Variants in AGBL4 observed in about 807,000 individuals in gnomAD.
AGBL4 encodes cytosolic carboxypeptidase 6.
AGBL4 carries 58 observed loss-of-function variants against 66.4 expected under a neutral mutation model. The observed-to-expected ratio is 0.87, with a 90% CI of 0.71 to 1.09. The LOEUF is 1.09. AGBL4 is among the 50% of genes least tolerant of loss of function. AGBL4 has a pLI of 0.00. For synonymous variants in AGBL4, 234 were observed against 222.9 expected (o/e 1.05, Z -0.44); for missense variants, 579 against 631.0 (o/e 0.92, Z 0.88).
intron 3 of AGBL4, among the ~76,000 whole-genome samples, chr1:49,620,085 CA>C (rs1645329331): frequency 6.6e-6 from 1 of 151,982 alleles, no homozygotes; most frequent in South Asian, 2.1e-4. Context: ...ACTAAAACAC[CA>C]AAAGCAATGG....
intron 4 of AGBL4, among the ~76,000 whole-genome samples, chr1:49,202,657 C>A (rs555660120): frequency 1.3e-4 from 20 of 152,026 alleles, no homozygotes; most frequent in African/African-American, 3.6e-4. Context: ...AACTATAAAA[C>A]TCATAGAAGA....
chr1:49,378,883 T>G (rs1000532320), intron 3 of AGBL4, among the ~76,000 whole-genome samples: 13 of 152,106 alleles, frequency 8.5e-5, no homozygotes, highest in Admixed American at 2.6e-4. Flanking sequence ...CCGAAGTATG[T>G]GTGGTCTGGT....
intron 3 of AGBL4, among the ~76,000 whole-genome samples, chr1:49,459,592 A>G (rs1490674746): frequency 6.6e-6 from 1 of 151,314 alleles, no homozygotes; most frequent in Non-Finnish European, 1.5e-5. Context: ...CAATTTCATC[A>G]TCTTTTCAAA....
intron 3 of AGBL4, among the ~76,000 whole-genome samples, chr1:49,411,585 G>C (rs892979805): frequency 1.3e-5 from 2 of 152,106 alleles, no homozygotes; most frequent in Non-Finnish European, 2.9e-5. Context: ...AGAAGTAAAA[G>C]AATAGCAAGG....
chr1:49,849,408 A>ATTG (rs1210191715), intron 2 of AGBL4, among the ~76,000 whole-genome samples: 3 of 120,916 alleles, frequency 2.5e-5, no homozygotes, highest in Non-Finnish European at 6.1e-5. Flanking sequence ...TATTATTATT[A>ATTG]TTATTATTAT....
At position 49,825,209 on chromosome 1, in the gene AGBL4, C is replaced by T. The variant is rs576938964; in HGVS notation, c.157+26187G>A. Reference sequence around the variant, plus strand: ...TCTTTTGTTTTTCTAAATAATATGCCCTCTTCTGTGATGTATTTTAAAGCA... The same window carrying T: ...TCTTTTGTTTTTCTAAATAATATGCTCTCTTCTGTGATGTATTTTAAAGCA... On this transcript the variant is annotated intron_variant, in intron 2 of 13. Transcript: ENST00000371839. Among the ~76,000 whole-genome samples, 8 of 152,218 alleles carry T rather than the reference C, an allele frequency of 5.3e-5. No homozygotes were observed. The South Asian group carries it at 1.5e-3, about 28-fold the overall frequency.
intron 9 of AGBL4, among the ~76,000 whole-genome samples, chr1:48,607,672 T>C (rs1645173949): frequency 6.6e-6 from 1 of 152,094 alleles, no homozygotes; most frequent in South Asian, 2.1e-4. Context: ...TCTAGTATCT[T>C]AGCCATCATA....
At chr1:49,228,301 C>T (rs779086431) in intron 4 of AGBL4, among the ~76,000 whole-genome samples, 18 of 152,156 alleles carry the variant, frequency 1.2e-4, no homozygotes, top group Non-Finnish European at 2.5e-4. Flanking sequence ...AAACTTACAT[C>T]TTAGCAGGAG....
chr1:48,689,219 A>AAAAAAAAAAAAAAAAAAAG (rs1553207682), intron 6 of AGBL4, among the ~76,000 whole-genome samples: 1 of 141,512 alleles, frequency 7.1e-6, no homozygotes, highest in African/African-American at 3.1e-5. Flanking sequence ...AAAAAAAAAA[A>AAAAAAAAAAAAAAAAAAAG]AAAAGAAAAG....
At chr1:49,056,321 C>T (rs1238875133) in intron 4 of AGBL4, among the ~76,000 whole-genome samples, 2 of 150,340 alleles carry the variant, frequency 1.3e-5, no homozygotes, top group East Asian at 1.9e-4. Context: ...GATAAACAAA[C>T]AAATCAATGT....
chr1:49,170,520 T>C (rs1646719387), intron 4 of AGBL4, among the ~76,000 whole-genome samples: 2 of 144,978 alleles, frequency 1.4e-5, no homozygotes, highest in Admixed American at 7.0e-5. Context: ...ATTACTATAA[T>C]ATATGTATAT....
intron 3 of AGBL4, among the ~76,000 whole-genome samples, chr1:49,480,257 C>T (rs1344738780): frequency 1.3e-5 from 2 of 152,034 alleles, no homozygotes; most frequent in Admixed American, 6.6e-5. Flanking sequence ...CCACCAACAA[C>T]ATGAAAGTAT....
intron 2 of AGBL4, among the ~76,000 whole-genome samples, chr1:49,804,846 A>C (rs1438443707): frequency 2.0e-5 from 3 of 152,198 alleles, no homozygotes; most frequent in African/African-American, 7.2e-5. Context: ...CAATCTTTAC[A>C]TTAGAGTATC....
intron 3 of AGBL4, among the ~76,000 whole-genome samples, chr1:49,486,664 T>C (rs999461285): frequency 2.0e-5 from 3 of 151,974 alleles, no homozygotes; most frequent in African/African-American, 7.2e-5. Context: ...TCAGCATCAC[T>C]TTTCACTTTA....
chr1:49,715,316 T>C (rs1648023309), intron 2 of AGBL4, among the ~76,000 whole-genome samples: 1 of 152,196 alleles, frequency 6.6e-6, no homozygotes, highest in Admixed American at 6.5e-5. Context: ...TATGGCTGCA[T>C]AGTATTCTAT....
At chr1:49,071,791 G>A (rs1055567534) in intron 4 of AGBL4, among the ~76,000 whole-genome samples, 11 of 151,854 alleles carry the variant, frequency 7.2e-5, no homozygotes, top group Non-Finnish European at 1.2e-4. Context: ...TCAAGTCCCC[G>A]ATATCCTTGT....
chr1:48,651,024 T>C (rs1169215166), intron 8 of AGBL4, among the ~76,000 whole-genome samples: 2 of 152,206 alleles, frequency 1.3e-5, no homozygotes, highest in African/African-American at 4.8e-5. Flanking sequence ...TAAGGCACCT[T>C]GAAGTTCTCA....
At chr1:49,413,393 A>C (rs1485192713) in intron 3 of AGBL4, among the ~76,000 whole-genome samples, 1 of 152,228 alleles carries the variant, frequency 6.6e-6, no homozygotes, top group Non-Finnish European at 1.5e-5. Flanking sequence ...GCATTAAACA[A>C]ATAATCATAC....
In AGBL4 at chr1:49,841,949, C is replaced by T. The variant is rs537516380; in HGVS notation, c.157+9447G>A. The T allele has an allele frequency of 2.4e-5, 14 of 581,444 alleles. No homozygotes were observed. In the East Asian group the frequency reaches 5.1e-4, roughly 21 times the overall value. The allele number at this position is 581,444 out of a possible 1,614,324, so 36.0% of individuals were successfully genotyped here. On this transcript the variant is annotated intron_variant, in intron 2 of 13. Transcript: ENST00000371839. The stretch of plus-strand genomic sequence containing the variant: ...AGAATCTCGGCCTCCTCGAGCGTGT[C>T]CTCCACCTCGTACCTGGCCTCGTCC...
Sources: allele counts gnomAD v4.1 joint callset (sites outside exome capture counted in the v4.1 genomes callset), GRCh38; gene constraint gnomAD v4.1.1; transcripts MANE v1.5; gene names NCBI Gene and HGNC (gene_info 2026-07-23, HGNC 2026-07-21).